The following RAB12 variants were observed in gnomAD, a reference collection of about 807,000 sequenced individuals.
RAB12 encodes ras-related protein Rab-12.
RAB12 carries 11 observed loss-of-function variants against 28.4 expected under a neutral mutation model. The observed-to-expected ratio is 0.39, with a 90% CI of 0.24 to 0.64. The LOEUF is 0.64. RAB12 is among the 30% of genes least tolerant of loss of function. The pLI is 0.50. For missense variants in RAB12, 276 were observed against 351.1 expected (o/e 0.79, Z 1.71); for synonymous variants, 138 against 145.3 (o/e 0.95, Z 0.36).
chr18:8,625,107 T>C (rs1479589415), intron 2 of RAB12, 109 bp downstream of exon 2: 3 of 663,066 alleles, frequency 4.5e-6, no homozygotes, highest in Non-Finnish European at 7.8e-6. Flanking sequence ...TACTTTCTCC[T>C]CTTTTGCTCA....
chr18:8,613,829 AAGTAGTAGTAGTAGTAGTAGT>A (rs3050584), intron 1 of RAB12, among the ~76,000 whole-genome samples: 1 of 148,656 alleles, frequency 6.7e-6, no homozygotes, highest in East Asian at 2.0e-4. Flanking sequence ...CTATAAATAG[AAGTAGTAGTAGTAGTAGTAGT>A]AGTAGTAGTA....
intron 1 of RAB12, among the ~76,000 whole-genome samples, chr18:8,623,981 C>T (rs2096011300): frequency 6.6e-6 from 1 of 152,248 alleles, no homozygotes; most frequent in Non-Finnish European, 1.5e-5. Flanking sequence ...ACTGCAGCAC[C>T]TCATTGGTGC....
At chr18:8,614,679 A>G (rs557404220) in intron 1 of RAB12, among the ~76,000 whole-genome samples, 2 of 152,224 alleles carry the variant, frequency 1.3e-5, no homozygotes, top group Non-Finnish European at 2.9e-5. Flanking sequence ...TCCGCCTCCC[A>G]GGTTCAAGCA....
intron 1 of RAB12, among the ~76,000 whole-genome samples, chr18:8,617,817 A>G (rs536546947): frequency 1.3e-5 from 2 of 152,296 alleles, no homozygotes; most frequent in South Asian, 2.1e-4. Context: ...TGGTTACCTT[A>G]GGCAGTCTAC....
chr18:8,621,024 G>A (rs1235996555), intron 1 of RAB12, among the ~76,000 whole-genome samples: 1 of 152,202 alleles, frequency 6.6e-6, no homozygotes, highest in Non-Finnish European at 1.5e-5. Context: ...GGCAGGGACT[G>A]TCCCCATCAA....
chr18:8,630,658 A>G (rs1567896540), intron 2 of RAB12, among the ~76,000 whole-genome samples: 1 of 152,200 alleles, frequency 6.6e-6, no homozygotes, highest in Non-Finnish European at 1.5e-5. Flanking sequence ...AAGGAGAAAC[A>G]GGGCTCAGCT....
At chr18:8,635,156 A>G (rs2096018156) in intron 3 of RAB12, 2 of 158,072 alleles carry the variant, frequency 1.3e-5, no homozygotes, top group Non-Finnish European at 2.8e-5. Context: ...GTTTTTTTAA[A>G]TGCCTGTGTT....
At chr18:8,620,980 G>A (rs573133969) in intron 1 of RAB12, among the ~76,000 whole-genome samples, 1 of 152,336 alleles carries the variant, frequency 6.6e-6, no homozygotes, top group African/African-American at 2.4e-5. Context: ...TGCATGGTGT[G>A]TTAATTTAGG....
chr18:8,638,977 A>G lies in RAB12; in HGVS notation c.*715A>G, dbSNP rs1366271173. ...TTTTGAAACTATAGAAAAAGATTTT[A>G]AAACACGCTGCTGTCCTAAACAAAT... On this transcript the variant is annotated 3_prime_UTR_variant, in exon 6 of 6. Transcript: ENST00000649141. 16 of 152,132 alleles carry G rather than the reference A, an allele frequency of 1.1e-4. No homozygotes were observed. The highest frequency in any genetic ancestry group is 1.0e-3 in the Admixed American group (16 of 15,274). 9.4% of individuals were successfully genotyped at this position (152,132 alleles called of 1,614,324 possible).
intron 2 of RAB12, among the ~76,000 whole-genome samples, chr18:8,627,392 C>A (rs1353391973): frequency 6.6e-6 from 1 of 152,202 alleles, no homozygotes; most frequent in Non-Finnish European, 1.5e-5. Context: ...GGAAGAAGTG[C>A]ATTATTTACT....
chr18:8,633,091 G>T, intron 2 of RAB12, 98 bp from the exon 3 acceptor site: 3 of 1,474,728 alleles, frequency 2.0e-6, no homozygotes, highest in Non-Finnish European at 2.8e-6. Context: ...TTCTTTTTTC[G>T]CAGAAAAACT....
At chr18:8,633,116 A>G (rs754164846) in intron 2 of RAB12, 73 bp from the exon 3 acceptor site, 899 of 1,570,742 alleles carry the variant, frequency 5.7e-4, no homozygotes, top group Non-Finnish European at 7.4e-4. Context: ...CATATAATCT[A>G]TGTTTGCATT....
chr18:8,633,118 G>A, intron 2 of RAB12, 71 bp from the exon 3 acceptor site: 1 of 1,578,790 alleles, frequency 6.3e-7, no homozygotes, highest in Non-Finnish European at 8.7e-7. Context: ...TATAATCTAT[G>A]TTTGCATTGG....
chr18:8,609,919 C>T lies in RAB12; in HGVS notation c.480C>T (p.Asp160=), dbSNP rs542114342. The T allele has an allele frequency of 7.6e-5, 123 of 1,609,666 alleles. No individual in the cohort carries two copies. The Admixed American group carries it at 2.0e-3, about 26-fold the overall frequency. Residue 160 remains aspartate (D), a synonymous_variant, in exon 1 of 6, where the codon GAC becomes GAT. Coordinates refer to ENST00000649141, the MANE Select transcript of RAB12 (RefSeq NM_001025300.3). Reference sequence around the variant, plus strand: ...CCAGCCTGATGGAGCGCTTCACCGACGACACCTTCTGCGAGGCCTGCAAGT... The same window carrying T: ...CCAGCCTGATGGAGCGCTTCACCGATGACACCTTCTGCGAGGCCTGCAAGT... ...GKTSLMERFT[D]DTFCEACKST...
intron 1 of RAB12, among the ~76,000 whole-genome samples, chr18:8,612,531 C>A (rs2096004426): frequency 6.6e-6 from 1 of 152,196 alleles, no homozygotes; most frequent in Admixed American, 6.5e-5. Context: ...CGACAGCCGT[C>A]TGGGAAAGAC....
At position 8,636,365 on chromosome 18, in the gene RAB12, AAAG is replaced by A. The variant is rs1567897957; in HGVS notation, c.909+11_909+13del. ...GATGACATTCTGAAAAAGGTAAAAA[AAAG>A]AATCTACATTATAAAAGTATATCAT... is the stretch of plus-strand genomic sequence containing the variant. On this transcript the variant is annotated intron_variant, in intron 5 of 5. Coordinates refer to ENST00000649141, the MANE Select transcript of RAB12 (RefSeq NM_001025300.3). The A allele has an allele frequency of 6.7e-7, 1 of 1,500,150 alleles. No individual in the cohort carries two copies. The highest frequency in any genetic ancestry group is 9.2e-7 in the Non-Finnish European group (1 of 1,083,656). The allele number at this position is 1,500,150 out of a possible 1,614,324, so 92.9% of individuals were successfully genotyped here. A position where few individuals can be genotyped will look rare whatever the true frequency, so the allele number is the denominator to read the frequency against.
Position 8,609,821 on chromosome 18 carries a change from A to C in RAB12, c.382A>C (p.Arg128=), listed in dbSNP as rs1391197587. 1 of 1,509,224 alleles carries C rather than the reference A, an allele frequency of 6.6e-7. No homozygotes were observed. Among genetic ancestry groups the C allele is most frequent in the African/African-American group, 1.4e-5 (1 of 69,240 alleles). The allele number at this position is 1,509,224 out of a possible 1,614,324, so 93.5% of individuals were successfully genotyped here. A position where few individuals can be genotyped will look rare whatever the true frequency, so the allele number is the denominator to read the frequency against. The change falls in exon 1 of 6, where the codon AGG becomes CGG. Residue 128 remains arginine (R), a synonymous_variant. Transcript: ENST00000649141. ...GCTGTCGGGCGGCCAGGGCCGCCGG[A>C]GGAAGCAGCCCCCCAGGCCGGCCGA... is the stretch of plus-strand genomic sequence containing the variant. ...PALSGGQGRR[R]KQPPRPADFK...
chr18:8,614,805 C>T (rs1037044588), intron 1 of RAB12, among the ~76,000 whole-genome samples: 2 of 152,108 alleles, frequency 1.3e-5, no homozygotes, highest in African/African-American at 2.4e-5. Flanking sequence ...AGGCTGGTCT[C>T]GAAATCCTGA....
chr18:8,627,214 G>A (rs1005581663), intron 2 of RAB12, among the ~76,000 whole-genome samples: 1 of 152,158 alleles, frequency 6.6e-6, no homozygotes, highest in African/African-American at 2.4e-5. Flanking sequence ...GCGTGTTGTC[G>A]TCGTTTCACT....
Sources: gnomAD v4.1 joint callset for allele counts (sites outside exome capture counted in the v4.1 genomes callset) on GRCh38, gnomAD v4.1.1 for gene constraint, MANE v1.5 for transcripts, NCBI Gene and HGNC (gene_info 2026-07-23, HGNC 2026-07-21) for gene names.